Variants in GPC6 observed in about 807,000 individuals in gnomAD.
GPC6 encodes glypican 6, also known as glypican-6.
A neutral mutation model predicts 55.2 loss-of-function variants in GPC6; 14 were observed. That is an observed-to-expected ratio of 0.25 (90% CI 0.17 to 0.40). The LOEUF is 0.40. Ranked by LOEUF, GPC6 falls within the 10% of genes least tolerant of loss-of-function variation. The pLI is 1.00. For synonymous variants in GPC6, 278 were observed against 259.6 expected, an observed-to-expected ratio of 1.07 and a Z score of -0.68; for missense variants, 641 against 708.5, an observed-to-expected ratio of 0.90 and a Z score of 1.08.
chr13:93,382,306 C>T (rs955469549), intron 1 of GPC6, among the ~76,000 whole-genome samples: 7 of 152,156 alleles, frequency 4.6e-5, no homozygotes, highest in East Asian at 1.9e-4. Context: ...CCTCCTTAAG[C>T]GTTGTAATTA....
chr13:93,765,760 A>C (rs1317395425), intron 2 of GPC6, among the ~76,000 whole-genome samples: 1 of 152,238 alleles, frequency 6.6e-6, no homozygotes, highest in East Asian at 1.9e-4. Flanking sequence ...TGACCTCTTA[A>C]AAGTAAAATC....
At chr13:93,414,122 A>G (rs1876607430) in intron 1 of GPC6, among the ~76,000 whole-genome samples, 1 of 152,148 alleles carries the variant, frequency 6.6e-6, no homozygotes, top group Admixed American at 6.6e-5. Flanking sequence ...GAGGGTGGGA[A>G]GGAATCTTAA....
chr13:94,121,541 C>G (rs1015581524), intron 4 of GPC6, among the ~76,000 whole-genome samples: 2 of 151,976 alleles, frequency 1.3e-5, no homozygotes, highest in African/African-American at 4.8e-5. Context: ...AATAATTTAA[C>G]GTGAATATAA....
intron 2 of GPC6, among the ~76,000 whole-genome samples, chr13:93,720,699 A>G (rs899629261): frequency 6.6e-6 from 1 of 152,026 alleles, no homozygotes; most frequent in African/African-American, 2.4e-5. Context: ...TCATGTGGGC[A>G]TTTAGTGCTA....
At chr13:93,572,498 C>G (rs3910921) in intron 2 of GPC6, among the ~76,000 whole-genome samples, 17,265 of 152,122 alleles carry the variant, frequency 0.11, 1,462 homozygotes, top group East Asian at 0.43. Flanking sequence ...TAAACAGATA[C>G]TCCTAAGGGT....
chr13:93,775,130 C>T (rs1010012161), intron 2 of GPC6, among the ~76,000 whole-genome samples: 1 of 152,194 alleles, frequency 6.6e-6, no homozygotes, highest in Non-Finnish European at 1.5e-5. Context: ...ATGCTAGGCA[C>T]TGTGTGCTAA....
At chr13:93,323,610 G>A (rs1228647990) in intron 1 of GPC6, among the ~76,000 whole-genome samples, 1 of 152,106 alleles carries the variant, frequency 6.6e-6, no homozygotes, top group Non-Finnish European at 1.5e-5. Flanking sequence ...TCTTCTTCAT[G>A]CTGTTTTACT....
intron 4 of GPC6, among the ~76,000 whole-genome samples, chr13:94,151,327 A>G (rs569770711): frequency 3.8e-4 from 58 of 152,248 alleles, no homozygotes; most frequent in Non-Finnish European, 7.9e-4. Context: ...CATTTTTATC[A>G]TAACTGGAAA....
chr13:93,724,663 A>T (rs1883567023), intron 2 of GPC6, among the ~76,000 whole-genome samples: 1 of 152,146 alleles, frequency 6.6e-6, no homozygotes, highest in East Asian at 1.9e-4. Flanking sequence ...AGAAATAAAG[A>T]TTCAACACAC....
intron 3 of GPC6, among the ~76,000 whole-genome samples, chr13:93,957,094 A>T (rs1879540967): frequency 1.3e-5 from 2 of 152,174 alleles, no homozygotes; most frequent in African/African-American, 2.4e-5. Context: ...TGTAAATGGG[A>T]TGAGAACAGT....
At chr13:93,813,795 G>A (rs1480288500) in intron 2 of GPC6, among the ~76,000 whole-genome samples, 1 of 125,342 alleles carries the variant, frequency 8.0e-6, no homozygotes, top group Non-Finnish European at 1.6e-5. Flanking sequence ...TTTATCAAGT[G>A]TATTTTTTTT....
chr13:93,876,927 C>T (rs139266708), intron 3 of GPC6, among the ~76,000 whole-genome samples: 2 of 152,010 alleles, frequency 1.3e-5, no homozygotes, highest in African/African-American at 4.8e-5. Flanking sequence ...ACTCACCATA[C>T]GTTCCTCTTG....
Position 93,317,131 on chromosome 13 carries a change from C to G in GPC6, c.160+89515C>G, listed in dbSNP as rs148337542. 7.1e-3 allele frequency among the ~76,000 whole-genome samples: 1,083 copies of G among 152,170 alleles called. 9 individuals are homozygous for G. The highest frequency in any genetic ancestry group is 0.025 in the African/African-American group (1,041 of 41,532). On this transcript the variant is annotated intron_variant, in intron 1 of 8. Transcript: ENST00000377047. ...TTACTTACAATTGGCTGACTTTTAA[C>G]ACACTCATGGGGTGTTTTATATGTG...
At chr13:94,074,954 T>C (rs1479864063) in intron 4 of GPC6, among the ~76,000 whole-genome samples, 2 of 152,228 alleles carry the variant, frequency 1.3e-5, no homozygotes, top group African/African-American at 4.8e-5. Context: ...TATATAAATT[T>C]TTTAACTGGG....
At chr13:94,030,460 G>A (rs779827163) in intron 4 of GPC6, among the ~76,000 whole-genome samples, 3 of 152,188 alleles carry the variant, frequency 2.0e-5, no homozygotes, top group African/African-American at 7.2e-5. Context: ...TGGGTGTGAA[G>A]TGTTAGTTCA....
chr13:93,563,242 C>T (rs1875905068), intron 2 of GPC6, among the ~76,000 whole-genome samples: 3 of 152,120 alleles, frequency 2.0e-5, no homozygotes, highest in Admixed American at 2.0e-4. Flanking sequence ...GACCTGTTCA[C>T]ATCAAGATAG....
intron 4 of GPC6, among the ~76,000 whole-genome samples, chr13:94,233,758 T>G (rs560179730): frequency 3.9e-4 from 59 of 152,306 alleles, no homozygotes; most frequent in African/African-American, 1.3e-3. Flanking sequence ...TGATTTTGGT[T>G]TATTGTTATA....
At position 93,227,497 on chromosome 13, in the gene GPC6, G is replaced by T; in HGVS notation, c.41G>T (p.Gly14Val). ...GGGGCTGTGATTCTTCCCCTCTTGG[G>T]GCTGCTGCTCTCCCTCCCCGCCGGG... Reference protein sequence around the residue: ...WIGAVILPLLGLLLSLPAGAD... With the variant: ...WIGAVILPLLVLLLSLPAGAD... The change falls in exon 1 of 9, where the codon GGG becomes GTG. Residue 14 changes from glycine (G) to valine (V), a missense_variant. By Grantham distance (109) the Gly-to-Val change is moderately radical. Coordinates refer to ENST00000377047, the MANE Select transcript of GPC6 (RefSeq NM_005708.5). This position sits in a 1 kb window ranked among gnomAD's most constrained non-coding sequence, Gnocchi z 4.3. 2.5e-6 allele frequency: 4 copies of T among 1,613,956 alleles called. No homozygotes were observed. The highest frequency in any genetic ancestry group is 3.4e-6 in the Non-Finnish European group (4 of 1,179,872).
intron 4 of GPC6, among the ~76,000 whole-genome samples, chr13:94,093,564 G>C (rs1885563990): frequency 6.6e-6 from 1 of 152,018 alleles, no homozygotes; most frequent in African/African-American, 2.4e-5. Flanking sequence ...TCTTGCTCAA[G>C]ATTGCTTTAG....
Sources: gnomAD v4.1 joint callset for allele counts (sites outside exome capture counted in the v4.1 genomes callset) on GRCh38, gnomAD v4.1.1 for gene constraint, Gnocchi (gnomAD v3.1) non-coding constraint, MANE v1.5 for transcripts, NCBI Gene and HGNC (gene_info 2026-07-23, HGNC 2026-07-21) for gene names.